Variants in SYNE3 observed in about 807,000 individuals in gnomAD.
The protein encoded by SYNE3 is nesprin-3.
A neutral mutation model predicts 111.2 loss-of-function variants in SYNE3; 100 were observed. That is an observed-to-expected ratio of 0.90 (90% CI 0.77 to 1.06). The LOEUF is 1.06. Ranked by LOEUF, SYNE3 falls within the 50% of genes least tolerant of loss-of-function variation. The probability of loss-of-function intolerance (pLI) is 0.00; values close to 1 mark genes in which losing one functional copy is unlikely to be tolerated. For missense variants in SYNE3, 1,160 were observed against 1,240.3 expected (o/e 0.94, Z 0.97); for synonymous variants, 547 against 533.9 (o/e 1.02, Z -0.34).
At chr14:95,513,447 T>C (rs989732587) in intron 1 of SYNE3, among the ~76,000 whole-genome samples, 5 of 152,182 alleles carry the variant, frequency 3.3e-5, no homozygotes, top group African/African-American at 1.2e-4. Context: ...ATAAAAACCA[T>C]CAGTCCTATT....
At chr14:95,430,346 G>A (rs1595180672) in intron 17 of SYNE3, among the ~76,000 whole-genome samples, 1 of 152,256 alleles carries the variant, frequency 6.6e-6, no homozygotes, top group Admixed American at 6.5e-5. Flanking sequence ...CACCAGGCTG[G>A]CCTGTGTAGA....
chr14:95,440,078 G>A lies in SYNE3; in HGVS notation c.1912-3C>T, dbSNP rs761096314. On this transcript the variant is annotated splice_region_variant and splice_polypyrimidine_tract_variant and intron_variant, in intron 11 of 17. Transcript: ENST00000682763. ...TGCCGACACCTGTCCACAAGGTCCTGCAGCACAGCCCGGGGAGCCCAGGGC... is the reference window on the plus strand; with the variant it reads ...TGCCGACACCTGTCCACAAGGTCCTACAGCACAGCCCGGGGAGCCCAGGGC... 1.3e-6 allele frequency: 2 copies of A among 1,596,114 alleles called. No individual in the cohort carries two copies. Among genetic ancestry groups the A allele is most frequent in the Admixed American group, 1.7e-5 (1 of 59,612 alleles).
At chr14:95,506,714 G>A (rs1234782061) in intron 1 of SYNE3, among the ~76,000 whole-genome samples, 3 of 152,196 alleles carry the variant, frequency 2.0e-5, no homozygotes, top group South Asian at 2.1e-4. Context: ...TGGAACGGGC[G>A]TGACCCAGCA....
At chr14:95,513,367 A>G (rs570333025) in intron 1 of SYNE3, among the ~76,000 whole-genome samples, 2 of 152,160 alleles carry the variant, frequency 1.3e-5, no homozygotes, top group Non-Finnish European at 2.9e-5. Context: ...CCACGTCTGC[A>G]GCCTAGAAAC....
chr14:95,465,758 G>A (rs1171898386), intron 4 of SYNE3, among the ~76,000 whole-genome samples, 173 bp downstream of exon 4: 1 of 151,984 alleles, frequency 6.6e-6, no homozygotes, highest in Non-Finnish European at 1.5e-5. Context: ...GTAGACAGAT[G>A]GATGGGAGGG....
At position 95,486,973 on chromosome 14, in the gene SYNE3, C is replaced by T. The variant is rs528299483; in HGVS notation, c.-14-11138G>A. ...TCCTAACTGGCCAGGGTGCTCCCTG[C>T]GCTGCATGCCAGCTGCACCACACTG... is the stretch of plus-strand genomic sequence containing the variant. On this transcript the variant is annotated intron_variant, in intron 1 of 17. Transcript: ENST00000682763. 3.9e-4 allele frequency among the ~76,000 whole-genome samples: 59 copies of T among 152,296 alleles called. 1 individual carries two copies. The highest frequency in any genetic ancestry group is 3.7e-3 in the Admixed American group (56 of 15,304).
chr14:95,468,258 C>A (rs1453880916), intron 2 of SYNE3, among the ~76,000 whole-genome samples: 1 of 152,248 alleles, frequency 6.6e-6, no homozygotes, highest in East Asian at 1.9e-4. Context: ...GTTTCATTCT[C>A]TCCTTGGACT....
rs563053678 is a variant in SYNE3 at position 95,466,220 on chromosome 14, A to G, written c.338T>C (p.Leu113Pro). ...HCHSRIEWVWLHWSEYLLARD... is the reference protein window; with the variant it reads ...HCHSRIEWVWPHWSEYLLARD... ...GGCCAGCAGGTACTCGCTCCAGTGC[A>G]GCCACACCCACTCGATGCGGCTGTG... Residue 113 changes from leucine (L) to proline (P), a missense_variant, in exon 4 of 18, where the codon CTG becomes CCG. Coordinates refer to ENST00000682763, the MANE Select transcript of SYNE3 (RefSeq NM_152592.6). 2 of 1,579,650 alleles carry G rather than the reference A, an allele frequency of 1.3e-6. No homozygotes were observed. The highest frequency in any genetic ancestry group is 4.5e-5 in the East Asian group (2 of 44,020).
At chr14:95,452,116 G>T in intron 7 of SYNE3, 131 bp downstream of exon 7, 1 of 1,154,184 alleles carries the variant, frequency 8.7e-7, no homozygotes, top group Non-Finnish European at 1.2e-6. Context: ...CTAAAAGCCA[G>T]TCATTGAGAG....
chr14:95,481,057 A>G (rs557450242), intron 1 of SYNE3, among the ~76,000 whole-genome samples: 266 of 152,258 alleles, frequency 1.7e-3, no homozygotes, highest in Middle Eastern at 3.4e-3. Context: ...TGACTGGGGC[A>G]GGTGTGGGAG....
At chr14:95,452,723 A>G (rs1160575714) in intron 6 of SYNE3, among the ~76,000 whole-genome samples, 1 of 152,206 alleles carries the variant, frequency 6.6e-6, no homozygotes, top group Non-Finnish European at 1.5e-5. Context: ...TGGGTGTCCC[A>G]TTCGTTTAAG....
At chr14:95,425,614 A>C (rs1365245532) in intron 17 of SYNE3, among the ~76,000 whole-genome samples, 1 of 152,236 alleles carries the variant, frequency 6.6e-6, no homozygotes. Flanking sequence ...ATAACAATGT[A>C]TCAACTGGTT....
Position 95,443,173 on chromosome 14 carries a change from G to C in SYNE3, c.1893C>G (p.Ala631=). Residue 631 remains alanine, a synonymous_variant, in exon 11 of 18, where the codon GCC becomes GCG. Coordinates refer to ENST00000682763, the MANE Select transcript of SYNE3 (RefSeq NM_152592.6). ...CCCTTACCTCCAGAGACCTCTGCAG[G>C]GCCTGGAAGTCGGAGGAAAGCTGGT... ...KMDQLSSDFQ[A]LQRSLEDLVD... is the part of the protein sequence containing the mutation. 6.2e-7 allele frequency: 1 copy of C among 1,613,988 alleles called. No individual in the cohort carries two copies. Among genetic ancestry groups the C allele is most frequent in the Non-Finnish European group, 8.5e-7 (1 of 1,179,936 alleles).
rs1446709420 is a variant in SYNE3 at position 95,439,723 on chromosome 14, C to T, written c.2135G>A (p.Trp712Ter). The T allele has an allele frequency of 1.9e-6, 3 of 1,614,060 alleles. No homozygotes were observed. Among genetic ancestry groups the T allele is most frequent in the Non-Finnish European group, 2.5e-6 (3 of 1,180,006 alleles). Residue 712 changes from tryptophan (W) to a stop codon, truncating the protein, a stop_gained, in exon 13 of 18, where the codon TGG (tryptophan) becomes TAG (stop). Transcript: ENST00000682763. LOFTEE classifies it high-confidence loss of function. ...AQLSLVEAQG[W>*]LVMEKSSPEG... ...CGGAGAAGACTTCTCCATCACCAGC[C>T]AGCCCTGCGCTTCCACCAGGGACAG...
chr14:95,505,660 CT>C (rs1890502400), intron 1 of SYNE3, among the ~76,000 whole-genome samples: 1 of 150,650 alleles, frequency 6.6e-6, no homozygotes, highest in Non-Finnish European at 1.5e-5. Context: ...TTCTTTTTAC[CT>C]TTTTCTTTTT....
Position 95,433,363 on chromosome 14 carries a change from A to G in SYNE3, c.2585T>C (p.Leu862Pro), listed in dbSNP as rs1486813133. 4.3e-6 allele frequency: 7 copies of G among 1,613,938 alleles called. No individual in the cohort carries two copies. The African/African-American group carries it at 6.7e-5, about 15-fold the overall frequency. The change falls in exon 16 of 18, where the codon CTC (leucine) becomes CCC (proline). Residue 862 changes from leucine (L) to proline (P), a missense_variant. Coordinates refer to ENST00000682763, the MANE Select transcript of SYNE3 (RefSeq NM_152592.6). ...CCCCCTTGCTGGCCCGAGACGAAGG[A>G]GGTTCTCAAAGAGATGCTGACCTTC... The part of the protein sequence containing the change: ...VPEGQHLFEN[L>P]LRLGPARGTS...
chr14:95,434,356 T>A (rs931666396), intron 15 of SYNE3, among the ~76,000 whole-genome samples: 3 of 152,198 alleles, frequency 2.0e-5, no homozygotes, highest in Non-Finnish European at 4.4e-5. Context: ...CTGTAAAACA[T>A]CTTTGCTTTT....
chr14:95,444,533 C>T lies in SYNE3; in HGVS notation c.1728G>A (p.Gly576=), dbSNP rs1886593877. The T allele has an allele frequency of 1.9e-6, 3 of 1,613,614 alleles. No individual in the cohort carries two copies. Among genetic ancestry groups the T allele is most frequent in the Non-Finnish European group, 2.5e-6 (3 of 1,179,670 alleles). ...GTTTTCCAGGAAGGTCCCGCTGAAG[C>T]CCCTTCTCGGCTTGGACCCTGACCT... ...DLQVRVQAEK[G]LQRDLPGKQA... The change falls in exon 10 of 18, where the codon GGG becomes GGA. Residue 576 remains glycine (G), a synonymous_variant. Coordinates refer to ENST00000682763, the MANE Select transcript of SYNE3 (RefSeq NM_152592.6).
intron 1 of SYNE3, among the ~76,000 whole-genome samples, chr14:95,509,560 T>C (rs1425285958): frequency 6.6e-6 from 1 of 152,058 alleles, no homozygotes; most frequent in East Asian, 1.9e-4. Flanking sequence ...AATCTCAACC[T>C]CCCTCTTTAA....
Sources: gnomAD v4.1 joint callset for allele counts (sites outside exome capture counted in the v4.1 genomes callset) on GRCh38, gnomAD v4.1.1 for gene constraint, MANE v1.5 for transcripts, NCBI Gene and HGNC (gene_info 2026-07-23, HGNC 2026-07-21) for gene names.